HEATR5A: variants seen among roughly 807,000 people sequenced by gnomAD.
HEATR5A encodes the protein HEAT repeat-containing protein 5A.
A neutral mutation model predicts 218.8 loss-of-function variants in HEATR5A; 178 were observed. That is an observed-to-expected ratio of 0.81 (90% CI 0.72 to 0.92). The LOEUF (loss-of-function observed/expected upper bound fraction) is 0.92. HEATR5A is among the 40% of genes least tolerant of loss of function. The pLI is 0.00. For synonymous variants in HEATR5A, 864 were observed against 871.6 expected (o/e 0.99, Z 0.15); for missense variants, 2,420 against 2,418.9 (o/e 1.00, Z -0.01).
rs781012854 is a variant in HEATR5A at position 31,344,035 on chromosome 14, G to A, written c.3089C>T (p.Thr1030Ile). The A allele has an allele frequency of 3.2e-6, 5 of 1,552,960 alleles. No homozygotes were observed. The South Asian group carries it at 6.2e-5, about 19-fold the overall frequency. ...GNSTSISTLR[T>I]SCLLGCAVMQ... ...TACTGCACAACCCAGTAGACAGGAA[G>A]TCCTTAAGGTAGAAATTGAAGTACT... Residue 1030 changes from threonine to isoleucine, a missense_variant, in exon 21 of 36, where the codon ACT becomes ATT. By Grantham distance (89) the Thr-to-Ile change is moderately conservative (BLOSUM62 -1). Coordinates refer to ENST00000543095, the MANE Select transcript of HEATR5A (RefSeq NM_015473.4).
chr14:31,375,271 CT>C (rs964611055), intron 11 of HEATR5A, among the ~76,000 whole-genome samples: 10 of 152,276 alleles, frequency 6.6e-5, no homozygotes, highest in Non-Finnish European at 1.0e-4. Context: ...CTAAAGCCCC[CT>C]GTAATGCTTG....
chr14:31,317,343 C>T (rs945563102), intron 26 of HEATR5A, among the ~76,000 whole-genome samples: 4 of 122,000 alleles, frequency 3.3e-5, no homozygotes, highest in African/African-American at 6.0e-5. Flanking sequence ...CTCCCTCTAT[C>T]GCCCAGGCTG....
Position 31,358,881 on chromosome 14 carries a change from AAAAT to A in HEATR5A, c.2235+9_2235+12del, listed in dbSNP as rs752623353. 22 of 1,599,818 alleles carry A rather than the reference AAAAT, an allele frequency of 1.4e-5. No homozygotes were observed. The highest frequency in any genetic ancestry group is 1.7e-5 in the Non-Finnish European group (20 of 1,174,186). On this transcript the variant is annotated intron_variant, in intron 15 of 35. Transcript: ENST00000543095. ...ACAGATTGAATCTAATCAAGAGTAA[AAAAT>A]GGCCATACCTGTTCTTCAATAAATC...
intron 16 of HEATR5A, among the ~76,000 whole-genome samples, chr14:31,355,314 G>A (rs1312052845): frequency 1.3e-5 from 2 of 152,142 alleles, no homozygotes; most frequent in African/African-American, 4.8e-5. Flanking sequence ...TCGGGAGGCC[G>A]AGGCAGGAGA....
chr14:31,386,395 TC>T, intron 9 of HEATR5A, 24 bp downstream of exon 9: 1 of 1,597,688 alleles, frequency 6.3e-7, no homozygotes. Flanking sequence ...TACAAGGTAT[TC>T]CAATGAGTCA....
At chr14:31,296,840 T>G (rs1333964469) in intron 33 of HEATR5A, 1 of 152,206 alleles carries the variant, frequency 6.6e-6, no homozygotes, top group Non-Finnish European at 1.5e-5. Flanking sequence ...AGAAATGACA[T>G]ATGTAGTAGT....
rs1463832356 is a variant in HEATR5A, at chr14:31,387,213, G to A, written c.1096C>T (p.Arg366Ter). ...CCAAGAAGACCACCTATAGTAGTTCGAAGAATAAATGAAACACAACGGCGA... is the reference window on the plus strand; with the variant it reads ...CCAAGAAGACCACCTATAGTAGTTCAAAGAATAAATGAAACACAACGGCGA... The part of the protein sequence containing the change: ...CCRRCVSFIL[R>*]TTIGGLLGEK... Residue 366 changes from arginine (R) to a stop codon, truncating the protein, a stop_gained, in exon 8 of 36, where the codon CGA (arginine) becomes TGA (stop). Coordinates refer to ENST00000543095, the MANE Select transcript of HEATR5A (RefSeq NM_015473.4). LOFTEE classifies it high-confidence loss of function. The A allele has an allele frequency of 6.2e-6, 10 of 1,613,756 alleles. No individual in the cohort carries two copies. Among genetic ancestry groups the A allele is most frequent in the East Asian group, 2.2e-5 (1 of 44,890 alleles).
intron 21 of HEATR5A, among the ~76,000 whole-genome samples, chr14:31,338,882 C>T (rs149678996): frequency 7.6e-4 from 116 of 151,934 alleles, no homozygotes; most frequent in African/African-American, 2.6e-3. Flanking sequence ...TTTGGGAGGC[C>T]GAGGTAGGCA....
At chr14:31,363,601 C>T (rs1901701113) in intron 14 of HEATR5A, among the ~76,000 whole-genome samples, 1 of 152,112 alleles carries the variant, frequency 6.6e-6, no homozygotes, top group African/African-American at 2.4e-5. Flanking sequence ...ATGTAACTAG[C>T]TCACTGTATC....
intron 32 of HEATR5A, among the ~76,000 whole-genome samples, chr14:31,303,866 G>GT (rs1235211935): frequency 6.6e-6 from 1 of 152,152 alleles, no homozygotes; most frequent in East Asian, 1.9e-4. Flanking sequence ...CTGAAAAAAG[G>GT]TAACGATTAG....
rs376195239 is a variant in HEATR5A, at chr14:31,381,327, G to T, written c.1597-749C>A. Among the ~76,000 whole-genome samples the T allele has an allele frequency of 1.1e-4, 17 of 152,048 alleles. No homozygotes were observed. In the South Asian group the frequency reaches 2.1e-3, roughly 19 times the overall value. ...CTTCCAAGAGGTAGTATACTATAGT[G>T]GTTAGAGGTAGTCAAAATAGTCTCA... is the stretch of plus-strand genomic sequence containing the variant. On this transcript the variant is annotated intron_variant, in intron 10 of 35. Coordinates refer to ENST00000543095, the MANE Select transcript of HEATR5A (RefSeq NM_015473.4).
chr14:31,323,354 A>G (rs1424201681), intron 24 of HEATR5A, among the ~76,000 whole-genome samples: 4 of 151,470 alleles, frequency 2.6e-5, no homozygotes, highest in Non-Finnish European at 5.9e-5. Context: ...AATAGAGACA[A>G]TGTTTCATTG....
At chr14:31,302,595 G>GT (rs1899420240) in intron 32 of HEATR5A, 76 bp from the exon 33 acceptor site, 9 of 912,678 alleles carry the variant, frequency 9.9e-6, no homozygotes, top group Non-Finnish European at 1.5e-5. Flanking sequence ...TCATCAAGGA[G>GT]TAAGACAATG....
rs531831176 is a variant in HEATR5A at position 31,370,770 on chromosome 14, G to A, written c.1961+1040C>T. ...CGAAAATGAATGAACTTAAAACATA[G>A]GTAAAACTTAGAAACATAATGTTGA... On this transcript the variant is annotated intron_variant, in intron 13 of 35. Transcript: ENST00000543095. Among the ~76,000 whole-genome samples, 8 of 152,192 alleles carry A rather than the reference G, an allele frequency of 5.3e-5. No homozygotes were observed. In the East Asian group the frequency reaches 9.6e-4, roughly 18 times the overall value.
intron 11 of HEATR5A, among the ~76,000 whole-genome samples, chr14:31,379,195 G>A (rs1252474520): frequency 6.6e-6 from 1 of 151,552 alleles, no homozygotes; most frequent in East Asian, 2.0e-4. Context: ...TGATCCGCCC[G>A]CCTAGGCCTC....
chr14:31,399,955 CATG>C (rs2030810398), intron 3 of HEATR5A, among the ~76,000 whole-genome samples: 1 of 152,160 alleles, frequency 6.6e-6, no homozygotes, highest in Non-Finnish European at 1.5e-5. Flanking sequence ...TACTTTTCTA[CATG>C]ATATTTACTA....
At chr14:31,315,150 G>C (rs559892478) in intron 27 of HEATR5A, among the ~76,000 whole-genome samples, 1 of 152,100 alleles carries the variant, frequency 6.6e-6, no homozygotes, top group Non-Finnish European at 1.5e-5. Flanking sequence ...CCCCAGCCTC[G>C]TCAACAGAGC....
intron 21 of HEATR5A, among the ~76,000 whole-genome samples, chr14:31,337,968 C>T (rs181704908): frequency 1.3e-5 from 2 of 152,232 alleles, no homozygotes; most frequent in East Asian, 3.9e-4. Flanking sequence ...TGTGTTCATG[C>T]AACTATATTA....
At chr14:31,359,285 A>AGTGTGTGTGT (rs1901535212) in intron 14 of HEATR5A, among the ~76,000 whole-genome samples, 18 of 12,578 alleles carry the variant, frequency 1.4e-3, no homozygotes, top group African/African-American at 2.7e-3. Flanking sequence ...TCAAAGTGTA[A>AGTGTGTGTGT]GAGTGTGTGT....
Sources: gnomAD v4.1 joint callset for allele counts (sites outside exome capture counted in the v4.1 genomes callset) on GRCh38, gnomAD v4.1.1 for gene constraint, MANE v1.5 for transcripts, NCBI Gene and HGNC (gene_info 2026-07-23, HGNC 2026-07-21) for gene names.